The following GAS7 variants were observed in gnomAD, a reference collection of about 807,000 sequenced individuals.
The protein encoded by GAS7 is growth arrest-specific protein 7.
A neutral mutation model predicts 71.1 loss-of-function variants in GAS7; 28 were observed. That is an observed-to-expected ratio of 0.39 (90% CI 0.29 to 0.54). GAS7 has a LOEUF of 0.54. GAS7 is among the 20% of genes least tolerant of loss of function. GAS7 has a pLI of 0.62. For synonymous variants in GAS7, 258 were observed against 245.8 expected, an observed-to-expected ratio of 1.05 and a Z score of -0.46; for missense variants, 436 against 627.8, an observed-to-expected ratio of 0.69 and a Z score of 3.27.
At chr17:9,961,851 T>C (rs908470060) in intron 4 of GAS7, among the ~76,000 whole-genome samples, 3 of 152,166 alleles carry the variant, frequency 2.0e-5, no homozygotes, top group Admixed American at 1.3e-4. Context: ...CATAACTCTT[T>C]CCTCTATCTT....
intron 1 of GAS7, among the ~76,000 whole-genome samples, chr17:10,157,015 C>T (rs573680355): frequency 6.6e-6 from 1 of 152,112 alleles, no homozygotes; most frequent in African/African-American, 2.4e-5. Context: ...AGGCCTTGGT[C>T]GGTGGCTCCT....
At chr17:10,169,963 A>C (rs758676385) in intron 1 of GAS7, among the ~76,000 whole-genome samples, 14 of 152,136 alleles carry the variant, frequency 9.2e-5, no homozygotes, top group Non-Finnish European at 2.1e-4. Context: ...TGCTTATGCC[A>C]AAAACCTTGA....
chr17:9,977,853 T>A (rs2070266389), intron 3 of GAS7, among the ~76,000 whole-genome samples: 1 of 152,184 alleles, frequency 6.6e-6, no homozygotes, highest in Non-Finnish European at 1.5e-5. Flanking sequence ...CCTGCACTAA[T>A]AAGAATGAAC....
At chr17:10,064,621 C>T (rs2073261153) in intron 1 of GAS7, among the ~76,000 whole-genome samples, 1 of 152,182 alleles carries the variant, frequency 6.6e-6, no homozygotes, top group Non-Finnish European at 1.5e-5. Flanking sequence ...TGACAAGATG[C>T]AAGCCTGAAG....
intron 2 of GAS7, among the ~76,000 whole-genome samples, chr17:10,014,638 G>T (rs557411872): frequency 6.6e-6 from 1 of 152,186 alleles, no homozygotes; most frequent in Non-Finnish European, 1.5e-5. Context: ...GCAAAGACTT[G>T]GTTAATACCC....
intron 9 of GAS7, among the ~76,000 whole-genome samples, chr17:9,933,189 A>C (rs144157596): frequency 0.012 from 1,775 of 152,286 alleles, 30 homozygotes; most frequent in African/African-American, 0.039. Context: ...ATAAATCAAT[A>C]AATCAATCAA....
intron 9 of GAS7, among the ~76,000 whole-genome samples, chr17:9,930,073 C>T (rs1452524024): frequency 6.6e-6 from 1 of 152,112 alleles, no homozygotes; most frequent in African/African-American, 2.4e-5. Flanking sequence ...GGTGTGCGGC[C>T]GAGAGTTGTG....
intron 11 of GAS7, among the ~76,000 whole-genome samples, chr17:9,925,250 C>G (rs1018518681): frequency 6.6e-6 from 1 of 152,212 alleles, no homozygotes; most frequent in Non-Finnish European, 1.5e-5. Context: ...CAGAACTAGC[C>G]CGGCCTGTGT....
intron 4 of GAS7, among the ~76,000 whole-genome samples, chr17:9,962,267 C>CACACACACA (rs1555605517): frequency 7.0e-6 from 1 of 142,634 alleles, no homozygotes; most frequent in African/African-American, 3.0e-5. Context: ...CACACACACA[C>CACACACACA]GTGACACACA....
chr17:9,927,505 C>A (rs533628345), intron 9 of GAS7, among the ~76,000 whole-genome samples: 9 of 151,336 alleles, frequency 5.9e-5, no homozygotes, highest in African/African-American at 2.2e-4. Flanking sequence ...AACAAACAAA[C>A]AAAAAACAAT....
Position 9,911,199 on chromosome 17 carries a change from T to C in GAS7, c.*6029A>G. Reference sequence around the variant, plus strand: ...CCGAGAGCCCGTCTGCTGCAGGTGATGCTGGAAGGGAAGCGCCCCCACTTG... The same window carrying C: ...CCGAGAGCCCGTCTGCTGCAGGTGACGCTGGAAGGGAAGCGCCCCCACTTG... On this transcript the variant is annotated 3_prime_UTR_variant, in exon 14 of 14. Transcript: ENST00000432992. The surrounding 1 kb of genome is among the most constrained non-coding windows in gnomAD (Gnocchi z 4.0). 2 of 233,204 alleles carry C rather than the reference T, an allele frequency of 8.6e-6. No homozygotes were observed. Among genetic ancestry groups the C allele is most frequent in the Non-Finnish European group, 8.5e-6 (1 of 118,130 alleles). 14.4% of individuals were successfully genotyped at this position (233,204 alleles called of 1,614,324 possible). A position where few individuals can be genotyped will look rare whatever the true frequency, so the allele number is the denominator to read the frequency against.
chr17:10,186,111 C>G (rs1426286069), intron 1 of GAS7, among the ~76,000 whole-genome samples: 1 of 143,928 alleles, frequency 6.9e-6, no homozygotes. Context: ...CCCACCATGC[C>G]CAGCTAATTT....
chr17:10,059,684 C>T (rs2073196994), intron 1 of GAS7: 1 of 985,130 alleles, frequency 1.0e-6, no homozygotes, highest in African/African-American at 1.7e-5. Context: ...GCCCTGGTTC[C>T]AACTCACCTC....
intron 1 of GAS7, among the ~76,000 whole-genome samples, chr17:10,063,677 C>T (rs961879982): frequency 7.9e-5 from 12 of 152,132 alleles, no homozygotes; most frequent in Admixed American, 2.0e-4. Flanking sequence ...TAACAAGATA[C>T]GACACTGAGG....
At chr17:10,133,123 T>TATATATATATATATATATATATATATA (rs770717224) in intron 1 of GAS7, among the ~76,000 whole-genome samples, 1 of 129,260 alleles carries the variant, frequency 7.7e-6, no homozygotes, top group Non-Finnish European at 1.6e-5. Flanking sequence ...TATTTTTATA[T>TATATATATATATATATATATATATATA]TTTTTTTTTT....
At chr17:9,971,879 G>A (rs937131229) in intron 3 of GAS7, among the ~76,000 whole-genome samples, 3 of 152,160 alleles carry the variant, frequency 2.0e-5, no homozygotes, top group Non-Finnish European at 2.9e-5. Context: ...GGAGGCAAGC[G>A]TTGGGCAATG....
At chr17:10,173,008 T>C (rs2074346391) in intron 1 of GAS7, among the ~76,000 whole-genome samples, 2 of 152,176 alleles carry the variant, frequency 1.3e-5, no homozygotes, top group Non-Finnish European at 2.9e-5. Flanking sequence ...TGAAAAGCAA[T>C]GAAGTACTGA....
chr17:10,002,239 T>C (rs1220038519), intron 2 of GAS7, among the ~76,000 whole-genome samples: 6 of 152,164 alleles, frequency 3.9e-5, no homozygotes, highest in Non-Finnish European at 8.8e-5. Context: ...CAGGCCTCTC[T>C]CCTAGCTTGT....
intron 9 of GAS7, among the ~76,000 whole-genome samples, chr17:9,931,595 A>G (rs1004172304): frequency 6.6e-6 from 1 of 152,252 alleles, no homozygotes; most frequent in African/African-American, 2.4e-5. Context: ...GCTACTCATG[A>G]TCTGCAGCTG....
Sources: allele counts gnomAD v4.1 joint callset (sites outside exome capture counted in the v4.1 genomes callset), GRCh38; gene constraint gnomAD v4.1.1; non-coding constraint Gnocchi (gnomAD v3.1); transcripts MANE v1.5; gene names NCBI Gene and HGNC (gene_info 2026-07-23, HGNC 2026-07-21).